The following EHMT1 variants were observed in gnomAD, a reference collection of about 807,000 sequenced individuals.
EHMT1 encodes the protein euchromatic histone lysine methyltransferase 1, also known as histone-lysine N-methyltransferase EHMT1.
A neutral mutation model predicts 147.2 loss-of-function variants in EHMT1; 15 were observed. That is an observed-to-expected ratio of 0.10 (90% CI 0.07 to 0.16). The LOEUF (loss-of-function observed/expected upper bound fraction) is 0.16, where lower values mean the gene tolerates loss of function less well. Ranked by LOEUF, EHMT1 falls within the 10% of genes least tolerant of loss-of-function variation. The pLI, the probability that EHMT1 is intolerant of heterozygous loss-of-function variation, is 1.00. For missense variants in EHMT1, 1,587 were observed against 1,772.4 expected, an observed-to-expected ratio of 0.90 and a Z score of 1.88; for synonymous variants, 795 against 709.6, an observed-to-expected ratio of 1.12 and a Z score of -1.91.
chr9:137,649,842 TA>T (rs1322093795), intron 1 of EHMT1, among the ~76,000 whole-genome samples: 1 of 152,166 alleles, frequency 6.6e-6, no homozygotes, highest in Non-Finnish European at 1.5e-5. Context: ...TGCGAAAAGA[TA>T]AAAATAAATT....
chr9:137,826,150 T>G (rs950551352), intron 25 of EHMT1, among the ~76,000 whole-genome samples: 3 of 8,606 alleles, frequency 3.5e-4, no homozygotes, highest in African/African-American at 5.0e-4. Context: ...CCATAGGGGG[T>G]GGGTGGGTGG....
At chr9:137,619,122 C>T (rs1435775257) in intron 1 of EHMT1, 73 bp downstream of exon 1, 2 of 458,780 alleles carry the variant, frequency 4.4e-6, no homozygotes, top group African/African-American at 4.4e-5. Flanking sequence ...GGGCGAAGAA[C>T]CGGGCGGGGC....
At chr9:137,744,315 T>TC (rs1948365304) in intron 6 of EHMT1, among the ~76,000 whole-genome samples, 1 of 151,984 alleles carries the variant, frequency 6.6e-6, no homozygotes, top group Admixed American at 6.5e-5. Context: ...CTTTTTTTTT[T>TC]CTGTGTTTTC....
chr9:137,708,488 G>A lies in EHMT1; in HGVS notation c.22-2479G>A, dbSNP rs571679692. ...ATTAGGCACTGGGCATTTGGGGAGTGTCAGCTCACCTTGTTAGGAAGATCT... is the reference window on the plus strand; with the variant it reads ...ATTAGGCACTGGGCATTTGGGGAGTATCAGCTCACCTTGTTAGGAAGATCT... On this transcript the variant is annotated intron_variant, in intron 1 of 26. Transcript: ENST00000460843. Among the ~76,000 whole-genome samples, 5 of 152,290 alleles carry A rather than the reference G, an allele frequency of 3.3e-5. No individual in the cohort carries two copies. In the South Asian group the frequency reaches 1.0e-3, roughly 32 times the overall value.
chr9:137,781,398 G>GGATGTGTGGTGATGACGGCATCACTGA (rs1951532702), intron 14 of EHMT1, among the ~76,000 whole-genome samples: 1 of 142,440 alleles, frequency 7.0e-6, no homozygotes, highest in East Asian at 2.0e-4. Flanking sequence ...GATGACGCTG[G>GGATGTGTGGTGATGACGGCATCACTGA]GATGTGTGGT....
At chr9:137,643,079 C>T (rs931704232) in intron 1 of EHMT1, among the ~76,000 whole-genome samples, 1 of 151,832 alleles carries the variant, frequency 6.6e-6, no homozygotes, top group Admixed American at 6.6e-5. Context: ...GATGGGGTCT[C>T]ACTGTGTTGC....
chr9:137,733,263 C>A (rs9410042), intron 4 of EHMT1, among the ~76,000 whole-genome samples: 20,991 of 152,230 alleles, frequency 0.14, 3,366 homozygotes, highest in African/African-American at 0.39. Flanking sequence ...GTGAGCATTC[C>A]TTCTTTTTAC....
chr9:137,675,779 ATTTTTTTTTTT>A (rs781380107), intron 1 of EHMT1, among the ~76,000 whole-genome samples: 1 of 95,780 alleles, frequency 1.0e-5, no homozygotes, highest in African/African-American at 4.7e-5. Flanking sequence ...CGCCCGGCTA[ATTTTTTTTTTT>A]TTTTTTTTTT....
At chr9:137,799,079 A>G (rs11137235) in intron 17 of EHMT1, among the ~76,000 whole-genome samples, 165 bp downstream of exon 17, 1 of 76,692 alleles carries the variant, frequency 1.3e-5, no homozygotes. Context: ...GCCAGCTCGG[A>G]CCCTCCACAG....
intron 10 of EHMT1, 117 bp downstream of exon 10, chr9:137,762,937 T>G: frequency 7.2e-7 from 1 of 1,386,144 alleles, no homozygotes; most frequent in Non-Finnish European, 1.0e-6. Flanking sequence ...GGCGGGAGCC[T>G]GAGTGGATTC....
At chr9:137,695,148 G>A (rs4979656) in intron 1 of EHMT1, among the ~76,000 whole-genome samples, 21,604 of 152,274 alleles carry the variant, frequency 0.14, 2,098 homozygotes, top group Admixed American at 0.3. Flanking sequence ...TGGATTACCG[G>A]CCGCCCGGCC....
chr9:137,701,677 G>C lies in EHMT1; in HGVS notation c.22-9290G>C, dbSNP rs1943844633. On this transcript the variant is annotated intron_variant, in intron 1 of 26. Transcript: ENST00000460843. ...AGTTTTGCTCTTGTTGCCCAGGCTG[G>C]AGTGCAATGGTGTGATCTCAGCTCA... 2.0e-5 allele frequency among the ~76,000 whole-genome samples: 3 copies of C among 149,224 alleles called. No individual in the cohort carries two copies. In the Admixed American group the frequency reaches 2.0e-4, roughly 10 times the overall value.
intron 1 of EHMT1, among the ~76,000 whole-genome samples, 179 bp from the exon 2 acceptor site, chr9:137,710,788 C>T (rs544260513): frequency 7.0e-4 from 106 of 152,292 alleles, no homozygotes; most frequent in African/African-American, 1.9e-3. Context: ...GGACTGTGTT[C>T]TGAATGCCAG....
chr9:137,809,770 A>G (rs1225233038), intron 18 of EHMT1, among the ~76,000 whole-genome samples: 2 of 152,272 alleles, frequency 1.3e-5, no homozygotes, highest in Admixed American at 6.5e-5. Flanking sequence ...CCAGAAATAT[A>G]CCAACAGACA....
intron 1 of EHMT1, among the ~76,000 whole-genome samples, chr9:137,688,643 A>G (rs529591409): frequency 6.6e-6 from 1 of 152,378 alleles, no homozygotes; most frequent in East Asian, 1.9e-4. Context: ...TTATAATATT[A>G]TGGAAATACT....
At position 137,787,697 on chromosome 9, in the gene EHMT1, G is replaced by C; in HGVS notation, c.2383-3151G>C. ...CTGCACCGGGAGAGCAGCCCGCCTGGGCCAGGGGCCGCCAGGTCCCCAGGG... is the reference window on the plus strand; with the variant it reads ...CTGCACCGGGAGAGCAGCCCGCCTGCGCCAGGGGCCGCCAGGTCCCCAGGG... On this transcript the variant is annotated intron_variant, in intron 15 of 26. Transcript: ENST00000460843. This position sits in a 1 kb window ranked among gnomAD's most constrained non-coding sequence, Gnocchi z 4.2. 3 of 689,294 alleles carry C rather than the reference G, an allele frequency of 4.4e-6. No individual in the cohort carries two copies. Among genetic ancestry groups the C allele is most frequent in the Non-Finnish European group, 5.1e-6 (2 of 391,068 alleles). The allele number at this position is 689,294 out of a possible 1,614,324, so 42.7% of individuals were successfully genotyped here. A position where few individuals can be genotyped will look rare whatever the true frequency, so the allele number is the denominator to read the frequency against.
At chr9:137,703,122 G>A (rs193164067) in intron 1 of EHMT1, among the ~76,000 whole-genome samples, 105 of 152,344 alleles carry the variant, frequency 6.9e-4, no homozygotes, top group African/African-American at 2.2e-3. Context: ...TGGAGTGGCT[G>A]TGATGCCGGA....
intron 8 of EHMT1, among the ~76,000 whole-genome samples, chr9:137,754,944 T>C (rs1190475065): frequency 6.6e-6 from 1 of 152,186 alleles, no homozygotes; most frequent in Admixed American, 6.5e-5. Context: ...GAGGCACCTG[T>C]GCCTCGGTCA....
chr9:137,833,186 C>G (rs999602081), intron 25 of EHMT1, among the ~76,000 whole-genome samples: 5 of 152,260 alleles, frequency 3.3e-5, no homozygotes, highest in Non-Finnish European at 7.3e-5. Flanking sequence ...AATGTTCATG[C>G]TGGGGCAGGT....
Sources: gnomAD v4.1 joint callset for allele counts (sites outside exome capture counted in the v4.1 genomes callset) on GRCh38, gnomAD v4.1.1 for gene constraint, Gnocchi (gnomAD v3.1) non-coding constraint, MANE v1.5 for transcripts, NCBI Gene and HGNC (gene_info 2026-07-23, HGNC 2026-07-21) for gene names.